Variants in TNXB observed in about 807,000 individuals in gnomAD.
TNXB encodes tenascin XB, also known as tenascin-X.
A neutral mutation model predicts 340.5 loss-of-function variants in TNXB; 183 were observed. That is an observed-to-expected ratio of 0.54 (90% CI 0.48 to 0.61). The LOEUF (loss-of-function observed/expected upper bound fraction) is 0.61. Ranked by LOEUF, TNXB falls within the 20% of genes least tolerant of loss-of-function variation. The pLI, the probability that TNXB is intolerant of heterozygous loss-of-function variation, is 0.00. For synonymous variants in TNXB, 2,121 were observed against 2,314.5 expected (o/e 0.92, Z 2.40); for missense variants, 4,613 against 5,446.4 (o/e 0.85, Z 4.82).
chr6:32,054,521 G>A (rs2151898738), intron 24 of TNXB, among the ~76,000 whole-genome samples: 1 of 152,330 alleles, frequency 6.6e-6, no homozygotes, highest in South Asian at 2.1e-4. Context: ...CACTAGCTGT[G>A]ATGATTTGAC....
Position 32,047,960 on chromosome 6 carries a change from C to T in TNXB, c.10098G>A (p.Ala3366=), listed in dbSNP as rs1250353011. Residue 3366 remains alanine (A), a synonymous_variant, in exon 30 of 44, where the codon GCG becomes GCA. Coordinates refer to ENST00000644971, the MANE Select transcript of TNXB (RefSeq NM_001365276.2). The surrounding 1 kb of genome is among the most constrained non-coding windows in gnomAD (Gnocchi z 6.2). ...PRLGELTVTD[A]TPDSVGLSWT... ...ACGAGAGGCCCACGGAGTCAGGGGT[C>T]GCATCTGTCACAGTCAGCTCCCCCA... 4.3e-6 allele frequency: 7 copies of T among 1,611,636 alleles called. No homozygotes were observed. Among genetic ancestry groups the T allele is most frequent in the African/African-American group, 2.7e-5 (2 of 74,862 alleles).
Position 32,068,803 on chromosome 6 carries a change from T to C in TNXB, c.5902+19A>G. 8 of 1,595,894 alleles carry C rather than the reference T, an allele frequency of 5.0e-6. No individual in the cohort carries two copies. The highest frequency in any genetic ancestry group is 6.8e-6 in the Non-Finnish European group (8 of 1,168,734). On this transcript the variant is annotated intron_variant, in intron 16 of 43. Coordinates refer to ENST00000644971, the MANE Select transcript of TNXB (RefSeq NM_001365276.2). The surrounding 1 kb of genome is among the most constrained non-coding windows in gnomAD (Gnocchi z 5.3). ...TCTCCCAGCCATCTGAAAGGAGGCA[T>C]AGTGGGCAGAGTTCTCACCTGTCAG... is the stretch of plus-strand genomic sequence containing the variant.
At position 32,081,668 on chromosome 6, in the gene TNXB, C is replaced by G. The variant is rs1463010437; in HGVS notation, c.3742G>C (p.Glu1248Gln). 1 of 1,577,214 alleles carries G rather than the reference C, an allele frequency of 6.3e-7. No homozygotes were observed. The change falls in exon 10 of 44, where the codon GAG becomes CAG. Residue 1248 changes from glutamate to glutamine, a missense_variant. Glu to Gln is a conservative substitution (Grantham distance 29, BLOSUM62 2). Coordinates refer to ENST00000644971, the MANE Select transcript of TNXB (RefSeq NM_001365276.2). This position sits in a 1 kb window ranked among gnomAD's most constrained non-coding sequence, Gnocchi z 5.1. ...GGGCGGGGGGGCTCCTCTTTCCTCT[C>G]TGGAGCTGTAAACAAGGAGATCCAG... ...PLTADGTTAPERKEEPPRPEF... is the reference protein window; with the variant it reads ...PLTADGTTAPQRKEEPPRPEF...
chr6:32,078,948 C>A, intron 11 of TNXB, 85 bp downstream of exon 11: 1 of 1,431,608 alleles, frequency 7.0e-7, no homozygotes, highest in South Asian at 1.3e-5. Context: ...CAAGGTTCCA[C>A]TGGAGCAAGG....
chr6:32,061,434 C>T lies in TNXB; in HGVS notation c.7455G>A (p.Gly2485=). The T allele has an allele frequency of 3.7e-6, 6 of 1,612,916 alleles. No individual in the cohort carries two copies. Among genetic ancestry groups the T allele is most frequent in the Non-Finnish European group, 5.1e-6 (6 of 1,179,580 alleles). Residue 2485 remains glycine (G), a synonymous_variant, in exon 21 of 44, where the codon GGG becomes GGA. Transcript: ENST00000644971. This position sits in a 1 kb window ranked among gnomAD's most constrained non-coding sequence, Gnocchi z 4.4. ...CGGTGGACACCGGGCCCACGCGCCG[C>T]CCCTCGTGGAGGCCATACAGGTGCA... The part of the protein sequence containing the change: ...YKMHLYGLHE[G]RRVGPVSTVG...
intron 21 of TNXB, among the ~76,000 whole-genome samples, chr6:32,060,050 T>C (rs1231014007): frequency 3.3e-5 from 5 of 151,888 alleles, no homozygotes; most frequent in African/African-American, 1.2e-4. Context: ...ATGAAATAAG[T>C]CTGGCTGGGC....
chr6:32,052,615 C>G lies in TNXB; in HGVS notation c.9115+55G>C, dbSNP rs761113611. 2 of 1,587,172 alleles carry G rather than the reference C, an allele frequency of 1.3e-6. No individual in the cohort carries two copies. The highest frequency in any genetic ancestry group is 1.1e-5 in the South Asian group (1 of 89,884). ...TATGTTTTCACGAAGACTGGAGAGA[C>G]AGCAGTGTCTTCCAGGGCCATCTTC... On this transcript the variant is annotated intron_variant, in intron 26 of 43. Transcript: ENST00000644971. The surrounding 1 kb of genome is among the most constrained non-coding windows in gnomAD (Gnocchi z 4.7).
At chr6:32,053,278 T>G in intron 25 of TNXB, 110 bp downstream of exon 25, 1 of 1,482,412 alleles carries the variant, frequency 6.7e-7, no homozygotes, top group Non-Finnish European at 9.1e-7. Flanking sequence ...GACAAAAAAG[T>G]ACCATGGCTC....
In TNXB at chr6:32,085,772, G is replaced by A; in HGVS notation, c.3126C>T (p.Pro1042=). ...GVPPGGKPSD[P]IIYQGIMDKD... ...TACCCATAATGCCTTGGTAGATGAT[G>A]GGGTCAGAGGGCTTGCCCCCAGGAG... Residue 1042 remains proline, a synonymous_variant, in exon 7 of 44, where the codon CCC becomes CCT. Coordinates refer to ENST00000644971, the MANE Select transcript of TNXB (RefSeq NM_001365276.2). This position sits in a 1 kb window ranked among gnomAD's most constrained non-coding sequence, Gnocchi z 6.4. 1.9e-6 allele frequency: 3 copies of A among 1,553,246 alleles called. No homozygotes were observed. The highest frequency in any genetic ancestry group is 2.6e-6 in the Non-Finnish European group (3 of 1,148,794).
intron 1 of TNXB, among the ~76,000 whole-genome samples, chr6:32,101,417 T>C (rs904336928): frequency 2.0e-5 from 3 of 151,958 alleles, no homozygotes; most frequent in Admixed American, 6.6e-5. Flanking sequence ...GCCTCCTGAG[T>C]AGCTGGGACT....
intron 4 of TNXB, chr6:32,093,251 T>C (rs1780159861): frequency 1.5e-6 from 1 of 653,886 alleles, no homozygotes; most frequent in East Asian, 2.7e-5. Context: ...GTGCTTGTTT[T>C]AGTGAGGAGC....
chr6:32,081,268 T>A lies in TNXB; in HGVS notation c.4042+100A>T. On this transcript the variant is annotated intron_variant, in intron 10 of 43. Transcript: ENST00000644971. The surrounding 1 kb of genome is among the most constrained non-coding windows in gnomAD (Gnocchi z 5.1). ...GGGTGGAGGCTTTGGCAAAATGAGC[T>A]GAGAAGGCGAAGATGGAGGGAGGCT... The A allele has an allele frequency of 8.0e-7, 1 of 1,247,048 alleles. No homozygotes were observed. The highest frequency in any genetic ancestry group is 1.5e-5 in the South Asian group (1 of 66,468). 77.2% of individuals were successfully genotyped at this position (1,247,048 alleles called of 1,614,324 possible). A position where few individuals can be genotyped will look rare whatever the true frequency, so the allele number is the denominator to read the frequency against.
Position 32,090,649 on chromosome 6 carries a change from T to C in TNXB, c.2359-1270A>G, listed in dbSNP as rs1780032495. Among the ~76,000 whole-genome samples, 1 of 152,194 alleles carries C rather than the reference T, an allele frequency of 6.6e-6. No homozygotes were observed. Among genetic ancestry groups the C allele is most frequent in the Admixed American group, 6.5e-5 (1 of 15,282 alleles). On this transcript the variant is annotated intron_variant, in intron 4 of 43. Transcript: ENST00000644971. The surrounding 1 kb of genome is among the most constrained non-coding windows in gnomAD (Gnocchi z 4.3). ...TATAAAACCAGATGAGAAGGCCACG[T>C]AGAGATTTCTGGGTTGAGGATGAAG... is the stretch of plus-strand genomic sequence containing the variant.
In TNXB at chr6:32,064,126, C is replaced by T. The variant is rs1778187210; in HGVS notation, c.6841+695G>A. ...GTGTGTGAGAGCCAAGCCACACTCC[C>T]GCCCACCCTTCACGACAGGTATGGT... On this transcript the variant is annotated intron_variant, in intron 19 of 43. Coordinates refer to ENST00000644971, the MANE Select transcript of TNXB (RefSeq NM_001365276.2). The surrounding 1 kb of genome is among the most constrained non-coding windows in gnomAD (Gnocchi z 5.3). Among the ~76,000 whole-genome samples, 1 of 152,294 alleles carries T rather than the reference C, an allele frequency of 6.6e-6. No individual in the cohort carries two copies. The highest frequency in any genetic ancestry group is 1.5e-5 in the Non-Finnish European group (1 of 68,020).
Position 32,073,877 on chromosome 6 carries a change from T to C in TNXB, c.4451A>G (p.Asp1484Gly). 1 of 1,610,558 alleles carries C rather than the reference T, an allele frequency of 6.2e-7. No individual in the cohort carries two copies. Among genetic ancestry groups the C allele is most frequent in the Non-Finnish European group, 8.5e-7 (1 of 1,178,778 alleles). ...EPRLGELTVT[D>G]VTPNSVGLSW... is the part of the protein sequence containing the mutation. ...GAGGCCCACAGAGTTGGGGGTCACATCTGTCACTGTCAGCTCTCCTAGGCG... is the reference window on the plus strand; with the variant it reads ...GAGGCCCACAGAGTTGGGGGTCACACCTGTCACTGTCAGCTCTCCTAGGCG... Residue 1484 changes from aspartate to glycine, a missense_variant, in exon 12 of 44, where the codon GAT becomes GGT. Asp to Gly is a moderately conservative substitution (Grantham distance 94). Coordinates refer to ENST00000644971, the MANE Select transcript of TNXB (RefSeq NM_001365276.2). This position sits in a 1 kb window ranked among gnomAD's most constrained non-coding sequence, Gnocchi z 4.6.
rs761600175 is a variant in TNXB at position 32,042,693 on chromosome 6, A to G, written c.12058+6T>C. ...CCCCCGGCCCCGGGCCCGTGCGTCC[A>G]GGTACCCGTGGTGAAAGAGGTGGAC... is the stretch of plus-strand genomic sequence containing the variant. On this transcript the variant is annotated splice_donor_region_variant and intron_variant, in intron 39 of 43. Transcript: ENST00000644971. The G allele has an allele frequency of 1.7e-6, 2 of 1,188,260 alleles. No individual in the cohort carries two copies. Among genetic ancestry groups the G allele is most frequent in the Admixed American group, 4.2e-5 (2 of 47,090 alleles). The allele number at this position is 1,188,260 out of a possible 1,614,324, so 73.6% of individuals were successfully genotyped here. A position where few individuals can be genotyped will look rare whatever the true frequency, so the allele number is the denominator to read the frequency against.
In TNXB at chr6:32,058,293, C is replaced by T; in HGVS notation, c.7590G>A (p.Val2530=). 6.2e-7 allele frequency: 1 copy of T among 1,612,012 alleles called. No individual in the cohort carries two copies. Among genetic ancestry groups the T allele is most frequent in the South Asian group, 1.1e-5 (1 of 91,062 alleles). ...PEEPLLGELT[V]TGSSPDSLSL... ...TCAGCGAGTCAGGGGAGGATCCTGT[C>T]ACTGTCAGCTCCCCCAGGAGAGGCT... The change falls in exon 22 of 44, where the codon GTG becomes GTA. Residue 2530 remains valine (V), a synonymous_variant. Transcript: ENST00000644971. This position sits in a 1 kb window ranked among gnomAD's most constrained non-coding sequence, Gnocchi z 5.1.
rs138890964 is a variant in TNXB at position 32,048,335 on chromosome 6, C to A, written c.10045+28G>T. The A allele has an allele frequency of 1.4e-3, 2,067 of 1,473,540 alleles. 1 individual carries two copies. Among genetic ancestry groups the A allele is most frequent in the African/African-American group, 2.9e-3 (204 of 71,240 alleles). The allele number at this position is 1,473,540 out of a possible 1,614,324, so 91.3% of individuals were successfully genotyped here. On this transcript the variant is annotated intron_variant, in intron 29 of 43. Transcript: ENST00000644971. ...TGCCACAAGGGGGCGAAGGCTCTGG[C>A]CGCGGGAGGCCTCCAGCCCTCACTC...
At position 32,073,023 on chromosome 6, in the gene TNXB, T is replaced by C. The variant is rs182724804; in HGVS notation, c.4681+624A>G. ...TTCCTTTGTAATCCTATACAGCTTA[T>C]TTTACAGATTTAAAAACATTGCCTT... On this transcript the variant is annotated intron_variant, in intron 12 of 43. Coordinates refer to ENST00000644971, the MANE Select transcript of TNXB (RefSeq NM_001365276.2). The surrounding 1 kb of genome is among the most constrained non-coding windows in gnomAD (Gnocchi z 4.6). 6.2e-3 allele frequency among the ~76,000 whole-genome samples: 943 copies of C among 152,338 alleles called. 17 individuals carry two copies. The highest frequency in any genetic ancestry group is 0.019 in the South Asian group (90 of 4,822).
Sources: gnomAD v4.1 joint callset for allele counts (sites outside exome capture counted in the v4.1 genomes callset) on GRCh38, gnomAD v4.1.1 for gene constraint, Gnocchi (gnomAD v3.1) non-coding constraint, MANE v1.5 for transcripts, NCBI Gene and HGNC (gene_info 2026-07-23, HGNC 2026-07-21) for gene names.